Variants in PPP3R1 observed in about 807,000 individuals in gnomAD.
The protein encoded by PPP3R1 is protein phosphatase 3 regulatory subunit B, alpha.
In PPP3R1, 5 loss-of-function variants were observed where a neutral mutation model predicts 22.6. That is an observed-to-expected ratio of 0.22 (90% confidence interval 0.12 to 0.46). The LOEUF (loss-of-function observed/expected upper bound fraction) is 0.46. Ranked by LOEUF, PPP3R1 falls within the 20% of genes least tolerant of loss-of-function variation. PPP3R1 has a pLI of 0.99. For missense variants in PPP3R1, 61 were observed against 203.2 expected (o/e 0.30, Z 4.25); for synonymous variants, 56 against 65.2 (o/e 0.86, Z 0.68).
intron 1 of PPP3R1, among the ~76,000 whole-genome samples, chr2:68,250,158 A>G (rs1034623449): frequency 1.3e-5 from 2 of 152,176 alleles, no homozygotes; most frequent in African/African-American, 4.8e-5. Flanking sequence ...AGAGGAAAAA[A>G]AAAAACCCAA....
chr2:68,217,725 C>T (rs1376971255), intron 1 of PPP3R1, among the ~76,000 whole-genome samples: 1 of 152,076 alleles, frequency 6.6e-6, no homozygotes, highest in Admixed American at 6.6e-5. Flanking sequence ...CATACAAAGT[C>T]TTATTTCATG....
chr2:68,179,030 C>T lies in PPP3R1; in HGVS notation c.*1933G>A, dbSNP rs936867791. Reference sequence around the variant, plus strand: ...AAAAAAAAAAAAGAAAAAGAAAAAACCCTCATTCCCCGGTAAGGAAATAAT... The same window carrying T: ...AAAAAAAAAAAAGAAAAAGAAAAAATCCTCATTCCCCGGTAAGGAAATAAT... On this transcript the variant is annotated 3_prime_UTR_variant, in exon 6 of 6. Transcript: ENST00000234310. The T allele has an allele frequency of 5.3e-5, 6 of 113,728 alleles. No individual in the cohort carries two copies. The highest frequency in any genetic ancestry group is 9.2e-5 in the Non-Finnish European group (5 of 54,380). The allele number at this position is 113,728 out of a possible 1,614,324, so 7.0% of individuals were successfully genotyped here.
chr2:68,223,682 T>C (rs892972500), intron 1 of PPP3R1, among the ~76,000 whole-genome samples: 2 of 151,882 alleles, frequency 1.3e-5, no homozygotes, highest in Non-Finnish European at 2.9e-5. Flanking sequence ...CTCAGCAAAC[T>C]AGGACTATTT....
In PPP3R1 at chr2:68,182,085, C is replaced by G. The variant is rs74591641; in HGVS notation, c.466-1075G>C. Among the ~76,000 whole-genome samples, 280 of 120,578 alleles carry G rather than the reference C, an allele frequency of 2.3e-3. 3 individuals are homozygous for G. Among genetic ancestry groups the G allele is most frequent in the African/African-American group, 8.1e-3 (271 of 33,396 alleles). The allele number at this position is 120,578 out of a possible 152,430, so 79.1% of individuals were successfully genotyped here. ...CCCCTCCTCCAACCCCCCCCTCCCCCCACCACACACACACGACCAGTAGCT... is the reference window on the plus strand; with the variant it reads ...CCCCTCCTCCAACCCCCCCCTCCCCGCACCACACACACACGACCAGTAGCT... On this transcript the variant is annotated intron_variant, in intron 5 of 5. Coordinates refer to ENST00000234310, the MANE Select transcript of PPP3R1 (RefSeq NM_000945.4).
intron 4 of PPP3R1, among the ~76,000 whole-genome samples, 174 bp from the exon 5 acceptor site, chr2:68,186,826 G>A (rs77902824): frequency 0.018 from 2,689 of 152,286 alleles, 86 homozygotes; most frequent in African/African-American, 0.06. Flanking sequence ...TTAAACGTAC[G>A]GGCTTTTGAG....
intron 1 of PPP3R1, among the ~76,000 whole-genome samples, chr2:68,228,621 T>C (rs1669830354): frequency 6.6e-6 from 1 of 152,088 alleles, no homozygotes; most frequent in African/African-American, 2.4e-5. Flanking sequence ...TCAAAGGGTT[T>C]TTCTCTATTG....
chr2:68,223,313 T>C (rs541809610), intron 1 of PPP3R1, among the ~76,000 whole-genome samples: 1 of 152,282 alleles, frequency 6.6e-6, no homozygotes, highest in East Asian at 1.9e-4. Flanking sequence ...GAAGAATCGC[T>C]TGAACCTGGG....
intron 2 of PPP3R1, among the ~76,000 whole-genome samples, chr2:68,194,491 TAGA>T (rs1674729469): frequency 6.6e-6 from 1 of 152,194 alleles, no homozygotes; most frequent in South Asian, 2.1e-4. Context: ...TTAATAGAAA[TAGA>T]AGGTTACATA....
chr2:68,208,797 C>A (rs980498133), intron 2 of PPP3R1, among the ~76,000 whole-genome samples: 1 of 151,920 alleles, frequency 6.6e-6, no homozygotes, highest in African/African-American at 2.4e-5. Flanking sequence ...GTGGCGCTCA[C>A]CTGTAATCCC....
At chr2:68,192,608 TAATA>T (rs1674689459) in intron 2 of PPP3R1, among the ~76,000 whole-genome samples, 1 of 152,136 alleles carries the variant, frequency 6.6e-6, no homozygotes, top group South Asian at 2.1e-4. Context: ...ATTTCAGTCT[TAATA>T]AATGAATAAA....
intron 2 of PPP3R1, among the ~76,000 whole-genome samples, chr2:68,206,024 GTCAGGCTGGTCTTGAACTCCGGACC>G (rs1675114249): frequency 6.6e-6 from 1 of 151,978 alleles, no homozygotes; most frequent in Non-Finnish European, 1.5e-5. Context: ...CTCCATGTTG[GTCAGGCTGGTCTTGAACTCCGGACC>G]TCAGGTGATC....
intron 2 of PPP3R1, among the ~76,000 whole-genome samples, chr2:68,207,873 T>C (rs962712878): frequency 5.3e-5 from 8 of 152,066 alleles, no homozygotes; most frequent in South Asian, 4.1e-4. Flanking sequence ...AACAGACTCA[T>C]TGCAGGGCGC....
chr2:68,187,558 G>C (rs1674571243), intron 3 of PPP3R1, among the ~76,000 whole-genome samples: 1 of 151,954 alleles, frequency 6.6e-6, no homozygotes, highest in Non-Finnish European at 1.5e-5. Context: ...TTAAGTGCAA[G>C]ATAAAAGAAC....
intron 1 of PPP3R1, among the ~76,000 whole-genome samples, chr2:68,244,757 T>C (rs1670202984): frequency 6.6e-6 from 1 of 151,868 alleles, no homozygotes; most frequent in African/African-American, 2.4e-5. Context: ...TTCATAAATG[T>C]CTCAAAAAAA....
intron 1 of PPP3R1, among the ~76,000 whole-genome samples, chr2:68,225,658 T>C (rs1006918894): frequency 1.3e-5 from 2 of 152,230 alleles, no homozygotes; most frequent in African/African-American, 4.8e-5. Flanking sequence ...TTATGGGAAT[T>C]TGTTACACAG....
At chr2:68,234,025 A>G (rs1042183371) in intron 1 of PPP3R1, among the ~76,000 whole-genome samples, 6 of 152,128 alleles carry the variant, frequency 3.9e-5, no homozygotes, top group Non-Finnish European at 8.8e-5. Flanking sequence ...CCTCCCAAAC[A>G]ATCCCCTGGG....
At chr2:68,220,670 T>C (rs766834612) in intron 1 of PPP3R1, among the ~76,000 whole-genome samples, 17 of 152,212 alleles carry the variant, frequency 1.1e-4, no homozygotes, top group Non-Finnish European at 2.4e-4. Flanking sequence ...AGATTCACAA[T>C]GTATGTATGA....
intron 1 of PPP3R1, among the ~76,000 whole-genome samples, chr2:68,247,944 C>T (rs140877573): frequency 8.8e-4 from 134 of 152,326 alleles, no homozygotes; most frequent in Non-Finnish European, 1.5e-3. Context: ...ACCCGGCCAT[C>T]AGAATGGTCT....
At position 68,252,224 on chromosome 2, in the gene PPP3R1, GC is replaced by G; in HGVS notation, c.-98del. ...AAACGGCGGCGGCGGCCCAGCTGCG[GC>G]CCTCGGGTCGCCGGCGGGGAGGGGG... On this transcript the variant is annotated 5_prime_UTR_variant, in exon 1 of 6. Transcript: ENST00000234310. The G allele has an allele frequency of 8.6e-7, 1 of 1,161,762 alleles. No individual in the cohort carries two copies. The allele number at this position is 1,161,762 out of a possible 1,614,324, so 72.0% of individuals were successfully genotyped here.
Sources: allele counts gnomAD v4.1 joint callset (sites outside exome capture counted in the v4.1 genomes callset), GRCh38; gene constraint gnomAD v4.1.1; transcripts MANE v1.5; gene names NCBI Gene and HGNC (gene_info 2026-07-23, HGNC 2026-07-21).